The following MYO16 variants were observed in gnomAD, a reference collection of about 807,000 sequenced individuals.
The protein encoded by MYO16 is unconventional myosin-XVI.
A neutral mutation model predicts 205.3 loss-of-function variants in MYO16; 94 were observed. The observed-to-expected ratio is 0.46, with a 90% CI of 0.39 to 0.54. MYO16 has a LOEUF of 0.54. Ranked by LOEUF, MYO16 falls within the 20% of genes least tolerant of loss-of-function variation. The probability of loss-of-function intolerance (pLI) is 0.00; values close to 1 mark genes in which losing one functional copy is unlikely to be tolerated. For missense variants in MYO16, 2,315 were observed against 2,387.5 expected (o/e 0.97, Z 0.63); for synonymous variants, 988 against 954.0 (o/e 1.04, Z -0.66).
intron 9 of MYO16, among the ~76,000 whole-genome samples, chr13:108,829,314 G>T (rs1313991514): frequency 6.6e-6 from 1 of 152,134 alleles, no homozygotes; most frequent in African/African-American, 2.4e-5. Flanking sequence ...CTAAATAATT[G>T]CTTAAGAAAT....
chr13:108,910,265 C>T (rs1419489303), intron 16 of MYO16, 115 bp downstream of exon 16: 15 of 1,132,824 alleles, frequency 1.3e-5, no homozygotes, highest in Non-Finnish European at 1.8e-5. Flanking sequence ...TAAAAGATAA[C>T]TGTTGGATAC....
chr13:109,121,802 A>C (rs1054820308), intron 29 of MYO16, among the ~76,000 whole-genome samples: 2 of 152,224 alleles, frequency 1.3e-5, no homozygotes, highest in African/African-American at 4.8e-5. Flanking sequence ...GGCTGAGGCA[A>C]GGGGAAGCCT....
At chr13:108,850,042 CT>C (rs1266593354) in intron 10 of MYO16, among the ~76,000 whole-genome samples, 1 of 151,070 alleles carries the variant, frequency 6.6e-6, no homozygotes, top group Non-Finnish European at 1.5e-5. Context: ...TGAATTTCCT[CT>C]TTTTTTGTGT....
chr13:108,787,287 C>G (rs1198212289), intron 5 of MYO16, among the ~76,000 whole-genome samples: 1 of 152,076 alleles, frequency 6.6e-6, no homozygotes, highest in Admixed American at 6.5e-5. Context: ...ATATGTACAG[C>G]TTTGGTATGT....
the MYO16 span, among the ~76,000 whole-genome samples, chr13:108,585,521 G>T: frequency 2.8e-3 from 427 of 152,230 alleles, 2 homozygotes; most frequent in African/African-American, 9.7e-3. Context: ...AGACTTAAAC[G>T]GGTGCCTGGC....
intron 4 of MYO16, among the ~76,000 whole-genome samples, chr13:108,753,509 C>T (rs548910939): frequency 4.6e-5 from 7 of 151,910 alleles, no homozygotes; most frequent in East Asian, 3.9e-4. Flanking sequence ...TGACTCATTC[C>T]GTAACCAAAA....
chr13:109,012,777 GTGTA>G (rs1280780991), intron 22 of MYO16, among the ~76,000 whole-genome samples: 1 of 87,884 alleles, frequency 1.1e-5, no homozygotes, highest in Non-Finnish European at 2.2e-5. Context: ...ATATGTGTGT[GTGTA>G]TATATATATA....
intron 16 of MYO16, among the ~76,000 whole-genome samples, chr13:108,924,089 A>G (rs1488952174): frequency 6.6e-6 from 1 of 152,230 alleles, no homozygotes; most frequent in Non-Finnish European, 1.5e-5. Flanking sequence ...CATAAAGTCC[A>G]AAGATATGTT....
intron 14 of MYO16, among the ~76,000 whole-genome samples, chr13:108,889,519 A>T (rs1190807416): frequency 3.3e-5 from 5 of 152,212 alleles, no homozygotes; most frequent in Non-Finnish European, 5.9e-5. Context: ...TTGAAAGGCC[A>T]CTGGAAGGAA....
intron 4 of MYO16, among the ~76,000 whole-genome samples, chr13:108,758,433 A>G (rs566950691): frequency 5.3e-5 from 8 of 152,242 alleles, no homozygotes; most frequent in Non-Finnish European, 1.5e-5. Flanking sequence ...TCTGTAAGAG[A>G]TCACTGTTAT....
At chr13:108,793,828 T>C (rs1886698981) in intron 6 of MYO16, among the ~76,000 whole-genome samples, 188 bp downstream of exon 6, 1 of 152,226 alleles carries the variant, frequency 6.6e-6, no homozygotes, top group Admixed American at 6.5e-5. Flanking sequence ...AGTCCCATTA[T>C]TGGGTGTCTA....
chr13:108,683,672 A>G (rs1400543270), intron 2 of MYO16, among the ~76,000 whole-genome samples: 2 of 152,208 alleles, frequency 1.3e-5, no homozygotes, highest in African/African-American at 2.4e-5. Context: ...CTATAAAGAA[A>G]AAGAATTACC....
chr13:108,520,188 G>T, the MYO16 span, among the ~76,000 whole-genome samples: 1 of 151,754 alleles, frequency 6.6e-6, no homozygotes, highest in African/African-American at 2.4e-5. Context: ...CACCATCATG[G>T]TGTTCTAATT....
At chr13:109,023,686 C>CATGTGT (rs1360281566) in intron 23 of MYO16, among the ~76,000 whole-genome samples, 1 of 118,898 alleles carries the variant, frequency 8.4e-6, no homozygotes, top group Admixed American at 9.6e-5. Context: ...TGTATATATA[C>CATGTGT]ATATATATGT....
At chr13:109,082,875 T>C (rs1022069480) in intron 27 of MYO16, among the ~76,000 whole-genome samples, 4 of 152,150 alleles carry the variant, frequency 2.6e-5, no homozygotes, top group African/African-American at 9.7e-5. Context: ...TCAAGGTACC[T>C]GTGAGATGCT....
chr13:109,099,456 C>T (rs1195578620), intron 27 of MYO16, among the ~76,000 whole-genome samples: 3 of 152,144 alleles, frequency 2.0e-5, no homozygotes, highest in East Asian at 1.9e-4. Flanking sequence ...TTTACACTGA[C>T]CTAATAGGAA....
At chr13:108,748,294 A>G (rs528485222) in intron 4 of MYO16, among the ~76,000 whole-genome samples, 78 of 152,226 alleles carry the variant, frequency 5.1e-4, no homozygotes, top group Non-Finnish European at 9.6e-4. Flanking sequence ...TTTAAAATAT[A>G]TTTTCAGCTA....
chr13:108,979,289 C>G (rs1043173735), intron 20 of MYO16, among the ~76,000 whole-genome samples: 1 of 151,458 alleles, frequency 6.6e-6, no homozygotes, highest in Non-Finnish European at 1.5e-5. Flanking sequence ...TTCATAGTTT[C>G]CAATGATGTT....
At chr13:109,007,291 G>A (rs897136842) in intron 21 of MYO16, among the ~76,000 whole-genome samples, 6 of 152,108 alleles carry the variant, frequency 3.9e-5, no homozygotes, top group African/African-American at 1.4e-4. Flanking sequence ...GGGAGGCTGA[G>A]GCAGGATAAT....
Sources: gnomAD v4.1 joint callset for allele counts (sites outside exome capture counted in the v4.1 genomes callset) on GRCh38, gnomAD v4.1.1 for gene constraint, MANE v1.5 for transcripts, NCBI Gene and HGNC (gene_info 2026-07-23, HGNC 2026-07-21) for gene names.